SLC25A24: variants seen among roughly 807,000 people sequenced by gnomAD.
The protein encoded by SLC25A24 is solute carrier family 25 member 24.
SLC25A24 carries 49 observed loss-of-function variants against 60.7 expected under a neutral mutation model. That is an observed-to-expected ratio of 0.81 (90% CI 0.64 to 1.02). SLC25A24 has a LOEUF of 1.02. Among genes scored for constraint, SLC25A24 ranks in the 50% least tolerant of loss-of-function variants. The pLI, the probability that SLC25A24 is intolerant of heterozygous loss-of-function variation, is 0.00. For missense variants in SLC25A24, 564 were observed against 586.3 expected, an observed-to-expected ratio of 0.96 and a Z score of 0.39; for synonymous variants, 202 against 200.6, an observed-to-expected ratio of 1.01 and a Z score of -0.06.
At chr1:108,171,373 T>G (rs1024684543) in intron 3 of SLC25A24, among the ~76,000 whole-genome samples, 1 of 152,200 alleles carries the variant, frequency 6.6e-6, no homozygotes, top group Non-Finnish European at 1.5e-5. Context: ...GTCCTTTTTC[T>G]TAGAACCCAC....
At chr1:108,161,146 G>A in intron 4 of SLC25A24, 36 bp downstream of exon 4, 1 of 1,158,474 alleles carries the variant, frequency 8.6e-7, no homozygotes. Flanking sequence ...ATGGTTTATA[G>A]CTCCAAATAA....
At position 108,148,378 on chromosome 1, in the gene SLC25A24, C is replaced by T; in HGVS notation, c.831G>A (p.Lys277=). 2 of 1,584,716 alleles carry T rather than the reference C, an allele frequency of 1.3e-6. No individual in the cohort carries two copies. The highest frequency in any genetic ancestry group is 2.2e-5 in the South Asian group (2 of 90,502). ...VKFWAYEQYK[K]LLTEEGQKIG... is the part of the protein sequence containing the mutation. ...TTTTTTGTCCTTCTTCAGTAAGTAACTTCTTGTACTGTATAAACAAGTTTT... is the reference window on the plus strand; with the variant it reads ...TTTTTTGTCCTTCTTCAGTAAGTAATTTCTTGTACTGTATAAACAAGTTTT... Residue 277 remains lysine (K), a synonymous_variant, in exon 7 of 10, where the codon AAG becomes AAA. Transcript: ENST00000565488.
At chr1:108,174,162 G>A (rs1647581959) in intron 3 of SLC25A24, among the ~76,000 whole-genome samples, 1 of 152,202 alleles carries the variant, frequency 6.6e-6, no homozygotes. Context: ...CACTTCAGAG[G>A]TCTTCAGGAA....
intron 1 of SLC25A24, among the ~76,000 whole-genome samples, chr1:108,197,092 A>C (rs1279555433): frequency 2.1e-5 from 3 of 145,008 alleles, no homozygotes; most frequent in Non-Finnish European, 4.6e-5. Flanking sequence ...ACAGAAAAGA[A>C]AGGTCATACC....
chr1:108,148,285 T>C lies in SLC25A24; in HGVS notation c.924A>G (p.Pro308=). Residue 308 remains proline, a synonymous_variant, in exon 7 of 10, where the codon CCA becomes CCG. Transcript: ENST00000565488. The part of the protein sequence containing the change: ...AGATAQTFIY[P]MEVMKTRLAV... ...ACTTGACAATGGTACTCACCTCCAT[T>C]GGATATATAAAAGTCTGTGCAGTTG... is the stretch of plus-strand genomic sequence containing the variant. The C allele has an allele frequency of 6.3e-7, 1 of 1,583,808 alleles. No individual in the cohort carries two copies. Among genetic ancestry groups the C allele is most frequent in the Non-Finnish European group, 8.7e-7 (1 of 1,152,336 alleles).
chr1:108,156,225 C>T (rs77209750), intron 5 of SLC25A24, among the ~76,000 whole-genome samples: 231 of 152,264 alleles, frequency 1.5e-3, no homozygotes, highest in Admixed American at 9.3e-3. Flanking sequence ...ATCTTTTCCC[C>T]GTAATAAACC....
chr1:108,176,635 G>C (rs1647683220), intron 3 of SLC25A24, among the ~76,000 whole-genome samples: 1 of 152,094 alleles, frequency 6.6e-6, no homozygotes, highest in African/African-American at 2.4e-5. Context: ...CAAAAGATAA[G>C]AAGCAAATAA....
chr1:108,199,890 T>G, intron 1 of SLC25A24, 66 bp downstream of exon 1: 2 of 1,292,752 alleles, frequency 1.5e-6, no homozygotes, highest in Non-Finnish European at 2.2e-6. Flanking sequence ...CCCTCCTCGG[T>G]CCTCGCAGTG....
rs534477663 is a variant in SLC25A24, at chr1:108,176,052, G to A, written c.398+5889C>T. Among the ~76,000 whole-genome samples, 44 of 152,152 alleles carry A rather than the reference G, an allele frequency of 2.9e-4. 1 individual carries two copies. The South Asian group carries it at 8.7e-3, about 30-fold the overall frequency. Reference sequence around the variant, plus strand: ...ACCAGCGACCATCCCTAAAGAAACAGAGATGTATGAACTGACATAGAATTC... The same window carrying A: ...ACCAGCGACCATCCCTAAAGAAACAAAGATGTATGAACTGACATAGAATTC... On this transcript the variant is annotated intron_variant, in intron 3 of 9. Transcript: ENST00000565488.
chr1:108,148,261 C>T lies in SLC25A24; in HGVS notation c.930+18G>A, dbSNP rs1679660751. On this transcript the variant is annotated intron_variant, in intron 7 of 9. Transcript: ENST00000565488. ...ACACGAACACCATCACACAGTCAGA[C>T]TTGACAATGGTACTCACCTCCATTG... 3 of 1,429,634 alleles carry T rather than the reference C, an allele frequency of 2.1e-6. No homozygotes were observed. Among genetic ancestry groups the T allele is most frequent in the African/African-American group, 1.4e-5 (1 of 71,356 alleles). 88.6% of individuals were successfully genotyped at this position (1,429,634 alleles called of 1,614,324 possible).
intron 8 of SLC25A24, among the ~76,000 whole-genome samples, chr1:108,142,877 T>C (rs1298449540): frequency 6.6e-6 from 1 of 152,126 alleles, no homozygotes; most frequent in Non-Finnish European, 1.5e-5. Context: ...AATAAAGCTC[T>C]TTAAAAAAAA....
chr1:108,146,809 C>G, intron 7 of SLC25A24, among the ~76,000 whole-genome samples: 1 of 152,150 alleles, frequency 6.6e-6, no homozygotes. Flanking sequence ...CTGCTGCATT[C>G]AGTTTGCCAG....
intron 3 of SLC25A24, among the ~76,000 whole-genome samples, chr1:108,172,337 A>T (rs926614948): frequency 2.0e-5 from 3 of 152,118 alleles, no homozygotes; most frequent in Non-Finnish European, 2.9e-5. Context: ...TGTTGTTTTA[A>T]ACGAACACCT....
In SLC25A24 at chr1:108,192,398, C is replaced by A. The variant is rs1451994713; in HGVS notation, c.184-6444G>T. On this transcript the variant is annotated intron_variant, in intron 1 of 9. Coordinates refer to ENST00000565488, the MANE Select transcript of SLC25A24 (RefSeq NM_013386.5). ...CCTGAACACTGCAGTGGGCCCAGGT[C>A]AAGCTTGACAACATGTAAATTTTGC... is the stretch of plus-strand genomic sequence containing the variant. The A allele has an allele frequency of 1.0e-5, 9 of 869,534 alleles. 1 individual carries two copies. Among genetic ancestry groups the A allele is most frequent in the South Asian group, 1.8e-5 (1 of 55,978 alleles). The allele number at this position is 869,534 out of a possible 1,614,324, so 53.9% of individuals were successfully genotyped here.
chr1:108,163,874 T>G (rs1680165391), intron 3 of SLC25A24, among the ~76,000 whole-genome samples: 1 of 152,228 alleles, frequency 6.6e-6, no homozygotes, highest in Admixed American at 6.5e-5. Flanking sequence ...TGTGCCAGTT[T>G]TCAAAGGGAA....
chr1:108,138,802 T>C (rs1679361359), intron 9 of SLC25A24, among the ~76,000 whole-genome samples: 1 of 152,174 alleles, frequency 6.6e-6, no homozygotes, highest in African/African-American at 2.4e-5. Context: ...TCAAAAAAAA[T>C]AGTACTCTGT....
At chr1:108,155,950 A>AACACACAC (rs58815373) in intron 5 of SLC25A24, among the ~76,000 whole-genome samples, 82 of 149,244 alleles carry the variant, frequency 5.5e-4, no homozygotes, top group African/African-American at 1.9e-3. Context: ...ACTACCACTA[A>AACACACAC]ACACACACAC....
intron 3 of SLC25A24, among the ~76,000 whole-genome samples, chr1:108,175,635 A>G (rs192764677): frequency 2.6e-5 from 4 of 152,254 alleles, no homozygotes; most frequent in Admixed American, 2.6e-4. Flanking sequence ...GGCTGCAATG[A>G]GCCATGATTG....
chr1:108,148,379 T>C lies in SLC25A24; in HGVS notation c.830A>G (p.Lys277Arg), dbSNP rs767044567. 9 of 1,584,898 alleles carry C rather than the reference T, an allele frequency of 5.7e-6. No homozygotes were observed. In the South Asian group the frequency reaches 9.9e-5, roughly 18 times the overall value. The change falls in exon 7 of 10, where the codon AAG becomes AGG. Residue 277 changes from lysine to arginine, a missense_variant. Physicochemically the swap from Lys to Arg is conservative, Grantham distance 26. Coordinates refer to ENST00000565488, the MANE Select transcript of SLC25A24 (RefSeq NM_013386.5). The stretch of plus-strand genomic sequence containing the variant: ...TTTTTGTCCTTCTTCAGTAAGTAAC[T>C]TCTTGTACTGTATAAACAAGTTTTA... ...VKFWAYEQYK[K>R]LLTEEGQKIG... is the part of the protein sequence containing the mutation.
Sources: allele counts gnomAD v4.1 joint callset (sites outside exome capture counted in the v4.1 genomes callset), GRCh38; gene constraint gnomAD v4.1.1; transcripts MANE v1.5; gene names NCBI Gene and HGNC (gene_info 2026-07-23, HGNC 2026-07-21).